The following ANO1 variants were observed in gnomAD, a reference collection of about 807,000 sequenced individuals.
The protein encoded by ANO1 is anoctamin 1, also known as anoctamin-1.
In ANO1, 59 loss-of-function variants were observed where a neutral mutation model predicts 124.0. The ratio of observed to expected loss-of-function variants is 0.48; its 90% CI spans 0.39 to 0.59. ANO1 has a LOEUF of 0.59. Ranked by LOEUF, ANO1 falls within the 20% of genes least tolerant of loss-of-function variation. The pLI, the probability that ANO1 is intolerant of heterozygous loss-of-function variation, is 0.00. For missense variants in ANO1, 1,059 were observed against 1,328.0 expected (o/e 0.80, Z 3.15); for synonymous variants, 529 against 532.0 (o/e 0.99, Z 0.08).
At chr11:70,100,009 A>G (rs965920550) in intron 2 of ANO1, among the ~76,000 whole-genome samples, 10 of 151,788 alleles carry the variant, frequency 6.6e-5, no homozygotes, top group African/African-American at 2.4e-4. Flanking sequence ...TCTCAGAGGG[A>G]GCCCAAACCC....
At chr11:70,059,623 G>A (rs1324624589) in intron 1 of ANO1, among the ~76,000 whole-genome samples, 1 of 152,210 alleles carries the variant, frequency 6.6e-6, no homozygotes, top group East Asian at 1.9e-4. Context: ...GGAGGCCTGA[G>A]AAAGCCTTGG....
intron 1 of ANO1, among the ~76,000 whole-genome samples, chr11:69,999,958 C>A (rs1856350252): frequency 2.0e-5 from 3 of 152,114 alleles, no homozygotes; most frequent in Non-Finnish European, 4.4e-5. Flanking sequence ...CCAAAGAGTT[C>A]TATTCAGAGC....
chr11:70,073,217 C>T (rs1555009555), intron 1 of ANO1, among the ~76,000 whole-genome samples: 1 of 149,750 alleles, frequency 6.7e-6, no homozygotes, highest in Admixed American at 6.9e-5. Context: ...GAGTCCGACC[C>T]TGTCCCCCTC....
chr11:70,064,216 A>T (rs1359112272), intron 1 of ANO1: 2 of 152,272 alleles, frequency 1.3e-5, no homozygotes, highest in African/African-American at 4.8e-5. Context: ...GTGGCCTCTC[A>T]GCCAGCCCCT....
intron 1 of ANO1, among the ~76,000 whole-genome samples, chr11:70,043,517 A>G (rs1857212321): frequency 6.6e-6 from 1 of 152,224 alleles, no homozygotes; most frequent in South Asian, 2.1e-4. Flanking sequence ...TGAAGAAAAC[A>G]CACCAAGGCA....
intron 2 of ANO1, among the ~76,000 whole-genome samples, chr11:70,095,247 G>GA (rs1350278623): frequency 1.1e-5 from 1 of 93,874 alleles, no homozygotes. Context: ...GAAAGAAAAA[G>GA]AAAGGAAGGA....
At chr11:69,996,983 G>T (rs782505195) in intron 1 of ANO1, among the ~76,000 whole-genome samples, 2 of 152,184 alleles carry the variant, frequency 1.3e-5, no homozygotes, top group Non-Finnish European at 2.9e-5. Context: ...CATGCTGAGA[G>T]TCACCAGGCC....
At chr11:69,991,944 T>A (rs1415508973) in intron 1 of ANO1, among the ~76,000 whole-genome samples, 1 of 152,240 alleles carries the variant, frequency 6.6e-6, no homozygotes, top group Non-Finnish European at 1.5e-5. Context: ...TCTGTGCTGA[T>A]GCCATGCGAG....
chr11:70,051,444 G>A (rs1857348769), intron 1 of ANO1, among the ~76,000 whole-genome samples: 1 of 152,204 alleles, frequency 6.6e-6, no homozygotes, highest in African/African-American at 2.4e-5. Context: ...TTCCCTTCAG[G>A]AGTTGCTGCC....
At chr11:69,983,806 C>T (rs770209840), upstream of ANO1, among the ~76,000 whole-genome samples, 3 of 152,204 alleles carry the variant, frequency 2.0e-5, no homozygotes, top group South Asian at 2.1e-4. Context: ...TTCATCCGAA[C>T]GCAACTTAAT....
intron 1 of ANO1, among the ~76,000 whole-genome samples, chr11:70,086,611 C>T (rs1565183896): frequency 6.6e-6 from 1 of 152,288 alleles, no homozygotes; most frequent in East Asian, 1.9e-4. Context: ...AAGGTGCAAG[C>T]GCAGGGTCAT....
At chr11:70,187,259 A>G (rs1226362073) in intron 25 of ANO1, among the ~76,000 whole-genome samples, 1 of 152,244 alleles carries the variant, frequency 6.6e-6, no homozygotes, top group Non-Finnish European at 1.5e-5. Context: ...AAACAAGAAG[A>G]TTCCGTTTTT....
intron 1 of ANO1, among the ~76,000 whole-genome samples, chr11:70,051,623 G>A (rs559413606): frequency 6.6e-6 from 1 of 152,294 alleles, no homozygotes; most frequent in Non-Finnish European, 1.5e-5. Flanking sequence ...TCTCATTGTG[G>A]TTTTACGCTG....
intron 1 of ANO1, among the ~76,000 whole-genome samples, chr11:70,018,079 G>C (rs370821772): frequency 6.6e-6 from 1 of 152,080 alleles, no homozygotes; most frequent in Non-Finnish European, 1.5e-5. Flanking sequence ...AAGAGGCCAG[G>C]CATGGTGGCT....
At chr11:70,166,438 C>T (rs1024016507) in intron 20 of ANO1, among the ~76,000 whole-genome samples, 4 of 152,198 alleles carry the variant, frequency 2.6e-5, no homozygotes, top group African/African-American at 7.2e-5. Flanking sequence ...GGGGGGGTAC[C>T]ACCAGGTGCC....
chr11:70,004,225 T>G (rs1055825556), intron 1 of ANO1, among the ~76,000 whole-genome samples: 1 of 152,214 alleles, frequency 6.6e-6, no homozygotes, highest in Non-Finnish European at 1.5e-5. Context: ...TTTTCAAGCA[T>G]CTGGTCTGTG....
At chr11:70,131,100 G>T (rs1471571110) in intron 10 of ANO1, among the ~76,000 whole-genome samples, 2 of 152,160 alleles carry the variant, frequency 1.3e-5, no homozygotes, top group Non-Finnish European at 2.9e-5. Flanking sequence ...CGATTATATG[G>T]GGGCAGGCTG....
chr11:70,110,255 C>A (rs1387685390), intron 6 of ANO1, among the ~76,000 whole-genome samples: 1 of 148,096 alleles, frequency 6.8e-6, no homozygotes. Flanking sequence ...GGCACAATCT[C>A]AACTCACTGC....
the ANO1 span, among the ~76,000 whole-genome samples, chr11:69,978,051 G>A: frequency 6.6e-6 from 1 of 152,140 alleles, no homozygotes; most frequent in African/African-American, 2.4e-5. Context: ...GCTTGGCCCG[G>A]TGTTTTCTTT....
Sources: allele counts gnomAD v4.1 joint callset (sites outside exome capture counted in the v4.1 genomes callset), GRCh38; gene constraint gnomAD v4.1.1; transcripts MANE v1.5; gene names NCBI Gene and HGNC (gene_info 2026-07-23, HGNC 2026-07-21).